Variants in ABTB3 observed in about 807,000 individuals in gnomAD.
The protein encoded by ABTB3 is ankyrin repeat and BTB domain containing 3, also known as ankyrin repeat- and BTB/POZ domain-containing protein 3.
the ABTB3 span, among the ~76,000 whole-genome samples, chr12:107,495,456 C>T: frequency 1.2e-4 from 18 of 152,192 alleles, no homozygotes; most frequent in Non-Finnish European, 2.2e-4. Flanking sequence ...GGGCTCCTAG[C>T]TGCCACTGTG....
chr12:107,341,026 C>T, the ABTB3 span, among the ~76,000 whole-genome samples: 9 of 152,192 alleles, frequency 5.9e-5, no homozygotes, highest in South Asian at 4.1e-4. Context: ...ATGCAGGCTG[C>T]GAACAGCGGG....
chr12:107,452,202 A>ATTTTTTTTT, the ABTB3 span, among the ~76,000 whole-genome samples: 1 of 110,208 alleles, frequency 9.1e-6, no homozygotes, highest in Non-Finnish European at 1.8e-5. Flanking sequence ...GCCCATATGA[A>ATTTTTTTTT]TTTTTTTTTT....
the ABTB3 span, among the ~76,000 whole-genome samples, chr12:107,492,029 T>C: frequency 6.6e-6 from 1 of 151,958 alleles, no homozygotes; most frequent in Admixed American, 6.6e-5. Context: ...TTTTAAGGGT[T>C]TTGGAGTGAG....
At chr12:107,644,253 A>G in the ABTB3 span, among the ~76,000 whole-genome samples, 2 of 152,222 alleles carry the variant, frequency 1.3e-5, no homozygotes, top group African/African-American at 4.8e-5. Context: ...AACAGTTCTC[A>G]CATCTTGAGC....
chr12:107,399,672 A>T, the ABTB3 span, among the ~76,000 whole-genome samples: 1 of 152,122 alleles, frequency 6.6e-6, no homozygotes, highest in Non-Finnish European at 1.5e-5. Context: ...ATATTTTTTA[A>T]AATTTTATTT....
the ABTB3 span, among the ~76,000 whole-genome samples, chr12:107,339,719 T>A: frequency 6.6e-6 from 1 of 152,050 alleles, no homozygotes; most frequent in East Asian, 1.9e-4. Flanking sequence ...TGCATGTGCA[T>A]GTGCCTATAT....
chr12:107,562,644 C>T, the ABTB3 span, among the ~76,000 whole-genome samples: 2 of 152,314 alleles, frequency 1.3e-5, no homozygotes, highest in Non-Finnish European at 2.9e-5. Context: ...AAGCTCAGTA[C>T]ATTTTTGTCA....
At chr12:107,507,023 G>T in the ABTB3 span, among the ~76,000 whole-genome samples, 12 of 152,258 alleles carry the variant, frequency 7.9e-5, no homozygotes, top group East Asian at 2.3e-3. Context: ...TTCATATTTT[G>T]AAAATAGCTT....
the ABTB3 span, among the ~76,000 whole-genome samples, chr12:107,504,473 TATATC>T: frequency 2.0e-5 from 3 of 152,248 alleles, no homozygotes; most frequent in Non-Finnish European, 2.9e-5. Flanking sequence ...AGTTCCTCAC[TATATC>T]ATATCAAATA....
the ABTB3 span, among the ~76,000 whole-genome samples, chr12:107,460,186 T>A: frequency 2.6e-5 from 4 of 152,174 alleles, no homozygotes; most frequent in African/African-American, 9.7e-5. Flanking sequence ...AGAGCCTTGG[T>A]CTTGAGGGAA....
At chr12:107,422,218 A>G in the ABTB3 span, among the ~76,000 whole-genome samples, 1 of 152,106 alleles carries the variant, frequency 6.6e-6, no homozygotes, top group Admixed American at 6.5e-5. Context: ...AGTTCCTAAC[A>G]TGAGAATGGA....
the ABTB3 span, among the ~76,000 whole-genome samples, chr12:107,403,748 G>A: frequency 2.0e-5 from 3 of 152,178 alleles, no homozygotes; most frequent in African/African-American, 7.2e-5. Context: ...GAGGGCAGAG[G>A]AAAACTTCAG....
At chr12:107,436,612 T>A in the ABTB3 span, among the ~76,000 whole-genome samples, 4 of 152,216 alleles carry the variant, frequency 2.6e-5, no homozygotes, top group African/African-American at 9.7e-5. Flanking sequence ...GTTATCCTGC[T>A]TGCTATAACC....
At chr12:107,544,100 C>G in the ABTB3 span, 1 of 1,614,078 alleles carries the variant, frequency 6.2e-7, no homozygotes. Context: ...TGGGAAAACC[C>G]CAACGTGGAG....
At chr12:107,438,813 C>A in the ABTB3 span, among the ~76,000 whole-genome samples, 2 of 152,148 alleles carry the variant, frequency 1.3e-5, no homozygotes, top group Non-Finnish European at 2.9e-5. Context: ...AAAAAAAATT[C>A]TAGTTTCAGA....
At chr12:107,648,447 A>C in the ABTB3 span, among the ~76,000 whole-genome samples, 1 of 150,468 alleles carries the variant, frequency 6.6e-6, no homozygotes, top group Admixed American at 6.7e-5. Context: ...ACTGGGACAA[A>C]CCACCTAAAA....
At chr12:107,440,404 C>T in the ABTB3 span, among the ~76,000 whole-genome samples, 1 of 152,236 alleles carries the variant, frequency 6.6e-6, no homozygotes, top group Non-Finnish European at 1.5e-5. Context: ...CCAAGCCCTT[C>T]TCAGGGCTGA....
the ABTB3 span, among the ~76,000 whole-genome samples, chr12:107,554,522 G>A: frequency 6.6e-6 from 1 of 152,150 alleles, no homozygotes; most frequent in Non-Finnish European, 1.5e-5. Flanking sequence ...AAGCAGTTTT[G>A]TGTTAATATA....
the ABTB3 span, among the ~76,000 whole-genome samples, chr12:107,450,277 A>C: frequency 3.9e-5 from 6 of 152,134 alleles, no homozygotes; most frequent in Non-Finnish European, 8.8e-5. Context: ...TGTAGGGGCA[A>C]GGGAAAGCTT....
Sources: gnomAD v4.1 joint callset for allele counts (sites outside exome capture counted in the v4.1 genomes callset) on GRCh38, gnomAD v4.1.1 for gene constraint, MANE v1.5 for transcripts, NCBI Gene and HGNC (gene_info 2026-07-23, HGNC 2026-07-21) for gene names.